Variants in CDC42BPB observed in about 807,000 individuals in gnomAD.
CDC42BPB encodes serine/threonine-protein kinase MRCK beta.
CDC42BPB carries 37 observed loss-of-function variants against 214.9 expected under a neutral mutation model. The ratio of observed to expected loss-of-function variants is 0.17; its 90% CI spans 0.13 to 0.23. CDC42BPB has a LOEUF of 0.23. Ranked by LOEUF, CDC42BPB falls within the 10% of genes least tolerant of loss-of-function variation. The probability of loss-of-function intolerance (pLI) is 1.00; values close to 1 mark genes in which losing one functional copy is unlikely to be tolerated. For synonymous variants in CDC42BPB, 931 were observed against 884.0 expected (o/e 1.05, Z -0.94); for missense variants, 1,694 against 2,227.0 (o/e 0.76, Z 4.82).
chr14:102,954,526 A>G, intron 22 of CDC42BPB, 76 bp downstream of exon 22: 1 of 1,446,980 alleles, frequency 6.9e-7, no homozygotes, highest in East Asian at 2.3e-5. Flanking sequence ...TGCAGGGGCC[A>G]GGTGAGCAGC....
At chr14:103,007,844 A>G (rs995048189) in intron 3 of CDC42BPB, among the ~76,000 whole-genome samples, 4 of 152,116 alleles carry the variant, frequency 2.6e-5, no homozygotes, top group African/African-American at 9.7e-5. Context: ...AGTGCAGGGG[A>G]GGGGAAGACA....
At chr14:102,986,369 G>A in intron 6 of CDC42BPB, 118 bp downstream of exon 6, 1 of 630,186 alleles carries the variant, frequency 1.6e-6, no homozygotes, top group Non-Finnish European at 2.7e-6. Context: ...CTCCAAAATG[G>A]ATTCATTTTC....
Position 103,008,523 on chromosome 14 carries a change from T to G in CDC42BPB, c.300A>C (p.Arg100=), listed in dbSNP as rs1370967577. The part of the protein sequence containing the change: ...VAVVKMKNTE[R]IYAMKILNKW... ...TGTTGAGGATTTTCATTGCATAAAT[T>G]CGTTCAGTATTCTTCATTTTGACAA... is the stretch of plus-strand genomic sequence containing the variant. Residue 100 remains arginine, a synonymous_variant, in exon 3 of 37, where the codon CGA becomes CGC. Coordinates refer to ENST00000361246, the MANE Select transcript of CDC42BPB (RefSeq NM_006035.4). 10 of 1,612,650 alleles carry G rather than the reference T, an allele frequency of 6.2e-6. No individual in the cohort carries two copies. The highest frequency in any genetic ancestry group is 8.5e-6 in the Non-Finnish European group (10 of 1,178,680).
rs762315423 is a variant in CDC42BPB at position 102,980,727 on chromosome 14, T to A, written c.1140+46A>T. The A allele has an allele frequency of 4.4e-6, 7 of 1,596,258 alleles. No individual in the cohort carries two copies. In the African/African-American group the frequency reaches 9.4e-5, roughly 21 times the overall value. On this transcript the variant is annotated intron_variant, in intron 8 of 36. Transcript: ENST00000361246. ...AACGCCCTCAACACAGCACTGCATG[T>A]CAGACCCACAGCCAGCAACCCTGAG... is the stretch of plus-strand genomic sequence containing the variant.
intron 21 of CDC42BPB, chr14:102,954,916 T>TGCA: frequency 3.8e-6 from 2 of 527,284 alleles, no homozygotes; most frequent in Non-Finnish European, 4.9e-6. Context: ...CTCAGCTGAG[T>TGCA]GGTGATTGCG....
chr14:102,986,830 C>A (rs1894267314), intron 5 of CDC42BPB: 1 of 621,594 alleles, frequency 1.6e-6, no homozygotes, highest in Admixed American at 6.3e-5. Context: ...GTCTGCCCAC[C>A]CAGCTAACGA....
chr14:102,977,339 C>CAA (rs56368090), intron 9 of CDC42BPB, among the ~76,000 whole-genome samples: 2,533 of 82,504 alleles, frequency 0.031, 5 homozygotes, highest in Non-Finnish European at 0.045. Context: ...ACTCCGTCTC[C>CAA]AAAAAAAAAA....
intron 1 of CDC42BPB, among the ~76,000 whole-genome samples, chr14:103,025,467 G>A (rs183011968): frequency 6.9e-4 from 105 of 151,162 alleles, no homozygotes; most frequent in African/African-American, 2.6e-3. Context: ...ACAGAAGAGT[G>A]GATAACCTGT....
intron 8 of CDC42BPB, among the ~76,000 whole-genome samples, chr14:102,978,581 G>C (rs1190506658): frequency 6.6e-6 from 1 of 152,262 alleles, no homozygotes; most frequent in Non-Finnish European, 1.5e-5. Flanking sequence ...ACCCCGGACA[G>C]AGCCTGGGGA....
At chr14:103,008,027 G>A (rs1294428944) in intron 3 of CDC42BPB, among the ~76,000 whole-genome samples, 1 of 151,916 alleles carries the variant, frequency 6.6e-6, no homozygotes, top group Non-Finnish European at 1.5e-5. Context: ...ACGGAACTAA[G>A]AAAAAGGAGC....
intron 5 of CDC42BPB, among the ~76,000 whole-genome samples, chr14:102,989,278 A>G (rs548124770): frequency 1.8e-4 from 27 of 152,366 alleles, no homozygotes; most frequent in African/African-American, 6.0e-4. Flanking sequence ...GCAAGGAAAC[A>G]GGCACTTTCA....
chr14:102,949,392 G>A (rs1221470450), intron 26 of CDC42BPB, among the ~76,000 whole-genome samples: 4 of 152,090 alleles, frequency 2.6e-5, no homozygotes, highest in South Asian at 2.1e-4. Flanking sequence ...CACCTGCTGC[G>A]GTCTCTAAAA....
chr14:102,975,381 G>T (rs186009052), intron 11 of CDC42BPB, among the ~76,000 whole-genome samples: 1 of 152,210 alleles, frequency 6.6e-6, no homozygotes, highest in Admixed American at 6.5e-5. Context: ...AAATTAGCCG[G>T]GTGTGGTGGC....
At chr14:103,021,920 C>T (rs1220855990) in intron 1 of CDC42BPB, among the ~76,000 whole-genome samples, 1 of 152,150 alleles carries the variant, frequency 6.6e-6, no homozygotes, top group Non-Finnish European at 1.5e-5. Context: ...GACACTCGCA[C>T]AGAGCACTGG....
chr14:103,013,159 C>T (rs957499027), intron 1 of CDC42BPB, among the ~76,000 whole-genome samples: 2 of 152,166 alleles, frequency 1.3e-5, no homozygotes, highest in East Asian at 1.9e-4. Flanking sequence ...GCCCAAAGCC[C>T]ACGTACAGGA....
chr14:102,965,642 A>G (rs957179252), intron 18 of CDC42BPB, among the ~76,000 whole-genome samples: 10 of 152,186 alleles, frequency 6.6e-5, no homozygotes, highest in African/African-American at 1.4e-4. Context: ...TTTTCCATCT[A>G]TAACAGTAAA....
At chr14:103,048,725 T>C (rs1348276330) in intron 1 of CDC42BPB, among the ~76,000 whole-genome samples, 2 of 127,760 alleles carry the variant, frequency 1.6e-5, no homozygotes, top group Non-Finnish European at 1.7e-5. Context: ...AAAAAAAAAA[T>C]TAGCCAGGTG....
intron 4 of CDC42BPB, among the ~76,000 whole-genome samples, chr14:103,002,744 C>T (rs1176433360): frequency 6.6e-6 from 1 of 152,134 alleles, no homozygotes; most frequent in African/African-American, 2.4e-5. Flanking sequence ...CTCCCTCTGC[C>T]CCAGACACCC....
intron 1 of CDC42BPB, among the ~76,000 whole-genome samples, chr14:103,047,491 A>G (rs1286075568): frequency 1.3e-5 from 2 of 152,298 alleles, no homozygotes; most frequent in Admixed American, 1.3e-4. Context: ...CCGACTTCTC[A>G]TTACCAACAC....
Sources: gnomAD v4.1 joint callset for allele counts (sites outside exome capture counted in the v4.1 genomes callset) on GRCh38, gnomAD v4.1.1 for gene constraint, MANE v1.5 for transcripts, NCBI Gene and HGNC (gene_info 2026-07-23, HGNC 2026-07-21) for gene names.